Variants in IQCH observed in about 807,000 individuals in gnomAD.
IQCH encodes IQ motif containing H, also known as IQ domain-containing protein H.
A neutral mutation model predicts 117.0 loss-of-function variants in IQCH; 98 were observed. The observed-to-expected ratio is 0.84, with a 90% CI of 0.71 to 0.99. The LOEUF (loss-of-function observed/expected upper bound fraction) is 0.99. Ranked by LOEUF, IQCH falls within the 50% of genes least tolerant of loss-of-function variation. The pLI is 0.00. For missense variants in IQCH, 1,102 were observed against 1,243.8 expected (o/e 0.89, Z 1.72); for synonymous variants, 412 against 448.2 (o/e 0.92, Z 1.02).
intron 4 of IQCH, among the ~76,000 whole-genome samples, chr15:67,335,339 G>A (rs1055529657): frequency 1.3e-5 from 2 of 152,072 alleles, no homozygotes; most frequent in African/African-American, 2.4e-5. Flanking sequence ...GAGAAAATCC[G>A]GATAAATTAT....
Position 67,365,375 on chromosome 15 carries a change from G to A in IQCH, c.753+5490G>A, listed in dbSNP as rs1970296380. The stretch of plus-strand genomic sequence containing the variant: ...TGATCATAGAACAGCTTTGTGCTGT[G>A]AACCCAGTCCAACTGGCTATAAGCT... On this transcript the variant is annotated intron_variant, in intron 8 of 20. Coordinates refer to ENST00000335894, the MANE Select transcript of IQCH (RefSeq NM_001031715.3). The surrounding 1 kb of genome is among the most constrained non-coding windows in gnomAD (Gnocchi z 4.4). 1.3e-5 allele frequency among the ~76,000 whole-genome samples: 2 copies of A among 152,294 alleles called. No homozygotes were observed. Among genetic ancestry groups the A allele is most frequent in the Middle Eastern group, 3.4e-3 (1 of 294 alleles).
intron 4 of IQCH, among the ~76,000 whole-genome samples, chr15:67,319,862 A>T (rs888227335): frequency 1.3e-5 from 2 of 152,246 alleles, no homozygotes; most frequent in Non-Finnish European, 2.9e-5. Context: ...GTGAAAAAGG[A>T]TAAACTCTTA....
chr15:67,278,139 C>T (rs140760209), intron 3 of IQCH, among the ~76,000 whole-genome samples: 58 of 152,332 alleles, frequency 3.8e-4, no homozygotes, highest in African/African-American at 1.3e-3. Flanking sequence ...TGCCCTTCTC[C>T]AGCTCAGATA....
At chr15:67,492,518 G>A (rs989674459) in intron 19 of IQCH, among the ~76,000 whole-genome samples, 4 of 152,158 alleles carry the variant, frequency 2.6e-5, no homozygotes, top group African/African-American at 9.7e-5. Context: ...ATACCATCAG[G>A]AAAAGTTCCA....
At position 67,493,799 on chromosome 15, in the gene IQCH, T is replaced by C. The variant is rs982590210; in HGVS notation, c.2862-459T>C. Among the ~76,000 whole-genome samples, 83 of 152,160 alleles carry C rather than the reference T, an allele frequency of 5.5e-4. No individual in the cohort carries two copies. Among genetic ancestry groups the C allele is most frequent in the Non-Finnish European group, 2.9e-4 (20 of 68,026 alleles). On this transcript the variant is annotated intron_variant, in intron 19 of 20. Coordinates refer to ENST00000335894, the MANE Select transcript of IQCH (RefSeq NM_001031715.3). This position sits in a 1 kb window ranked among gnomAD's most constrained non-coding sequence, Gnocchi z 5.1. ...CATTAGGTATATCTCCTAATGCTAT[T>C]CCTCTCCCCTCCCCTCACCCCACGA...
chr15:67,305,150 C>CT (rs1967234517), intron 4 of IQCH, among the ~76,000 whole-genome samples: 1 of 152,064 alleles, frequency 6.6e-6, no homozygotes, highest in Non-Finnish European at 1.5e-5. Flanking sequence ...GGTAACATCT[C>CT]TATTTTTTTA....
intron 10 of IQCH, among the ~76,000 whole-genome samples, chr15:67,378,288 C>A (rs1970806750): frequency 6.6e-6 from 1 of 151,864 alleles, no homozygotes; most frequent in African/African-American, 2.4e-5. Flanking sequence ...ACCTGATACC[C>A]AGTTCAATGC....
rs1303529334 is a variant in IQCH at position 67,417,713 on chromosome 15, A to G, written c.2218+662A>G. Reference sequence around the variant, plus strand: ...GTGAATGATGCCTGTCTACCGTCTCAGAGGTCCCTGTCAGATGTTACACAG... The same window carrying G: ...GTGAATGATGCCTGTCTACCGTCTCGGAGGTCCCTGTCAGATGTTACACAG... On this transcript the variant is annotated intron_variant, in intron 15 of 20. Coordinates refer to ENST00000335894, the MANE Select transcript of IQCH (RefSeq NM_001031715.3). The surrounding 1 kb of genome is among the most constrained non-coding windows in gnomAD (Gnocchi z 4.3). 1.3e-5 allele frequency among the ~76,000 whole-genome samples: 2 copies of G among 152,120 alleles called. No individual in the cohort carries two copies. The highest frequency in any genetic ancestry group is 4.8e-5 in the African/African-American group (2 of 41,418).
intron 16 of IQCH, among the ~76,000 whole-genome samples, chr15:67,450,565 GA>G (rs2082498979): frequency 6.6e-6 from 1 of 152,162 alleles, no homozygotes; most frequent in African/African-American, 2.4e-5. Flanking sequence ...GCATCCCAGG[GA>G]TGAAGCCCAC....
rs752338841 is a variant in IQCH at position 67,447,085 on chromosome 15, C to T, written c.2506-18042C>T. 2.2e-4 allele frequency among the ~76,000 whole-genome samples: 33 copies of T among 152,210 alleles called. No individual in the cohort carries two copies. The highest frequency in any genetic ancestry group is 3.8e-4 in the Non-Finnish European group (26 of 68,040). ...GGTTAGGCAAACCTGGATCTTTGTC[C>T]TCGCCCTGCCGCTGAGCTGTGGAAC... On this transcript the variant is annotated intron_variant, in intron 16 of 20. Transcript: ENST00000335894. The surrounding 1 kb of genome is among the most constrained non-coding windows in gnomAD (Gnocchi z 5.3).
rs16950882 is a variant in IQCH, at chr15:67,387,351, A to G, written c.1457-1480A>G. On this transcript the variant is annotated intron_variant, in intron 11 of 20. Coordinates refer to ENST00000335894, the MANE Select transcript of IQCH (RefSeq NM_001031715.3). This position sits in a 1 kb window ranked among gnomAD's most constrained non-coding sequence, Gnocchi z 4.8. ...GTATGTATGCCCTGCGTCTAGGTGT[A>G]AAAGACCTTCCCAACTTTGCGAATC... is the stretch of plus-strand genomic sequence containing the variant. Among the ~76,000 whole-genome samples the G allele has an allele frequency of 3.1e-3, 469 of 152,250 alleles. 6 individuals carry two copies. The highest frequency in any genetic ancestry group is 0.011 in the African/African-American group (449 of 41,552).
In IQCH at chr15:67,463,564, G is replaced by A. The variant is rs1399020432; in HGVS notation, c.2506-1563G>A. On this transcript the variant is annotated intron_variant, in intron 16 of 20. Coordinates refer to ENST00000335894, the MANE Select transcript of IQCH (RefSeq NM_001031715.3). This position sits in a 1 kb window ranked among gnomAD's most constrained non-coding sequence, Gnocchi z 4.0. ...CCTCAGTTTCTTCATCTGTGACATGGGGTTGTTATTTTTTAGGCTACCACA... is the reference window on the plus strand; with the variant it reads ...CCTCAGTTTCTTCATCTGTGACATGAGGTTGTTATTTTTTAGGCTACCACA... Among the ~76,000 whole-genome samples, 1 of 152,122 alleles carries A rather than the reference G, an allele frequency of 6.6e-6. No individual in the cohort carries two copies. The highest frequency in any genetic ancestry group is 2.4e-5 in the African/African-American group (1 of 41,412).
intron 4 of IQCH, among the ~76,000 whole-genome samples, chr15:67,304,122 A>G (rs1003551495): frequency 1.3e-4 from 20 of 151,334 alleles, no homozygotes; most frequent in African/African-American, 4.6e-4. Context: ...TGTGGGAGCA[A>G]TGGGATACAC....
rs1283186187 is a variant in IQCH at position 67,389,018 on chromosome 15, T to G, written c.1632+12T>G. Reference sequence around the variant, plus strand: ...TAAACATCTTCCCTGTGAGTTTGTGTTCTAATTACTATGGTTTCAGGGATG... The same window carrying G: ...TAAACATCTTCCCTGTGAGTTTGTGGTCTAATTACTATGGTTTCAGGGATG... On this transcript the variant is annotated intron_variant, in intron 12 of 20. Coordinates refer to ENST00000335894, the MANE Select transcript of IQCH (RefSeq NM_001031715.3). The G allele has an allele frequency of 1.2e-6, 2 of 1,606,106 alleles. No homozygotes were observed. The highest frequency in any genetic ancestry group is 3.4e-5 in the Admixed American group (2 of 59,452).
chr15:67,395,166 C>A lies in IQCH; in HGVS notation c.1633-125C>A. On this transcript the variant is annotated intron_variant, in intron 12 of 20. Transcript: ENST00000335894. The surrounding 1 kb of genome is among the most constrained non-coding windows in gnomAD (Gnocchi z 4.0). Reference sequence around the variant, plus strand: ...GCTTTTATCAATTTAAACTGCTAAACAACAGGATAGGTCATAACCCAGCCT... The same window carrying A: ...GCTTTTATCAATTTAAACTGCTAAAAAACAGGATAGGTCATAACCCAGCCT... The A allele has an allele frequency of 1.9e-6, 2 of 1,054,044 alleles. No homozygotes were observed. The highest frequency in any genetic ancestry group is 2.7e-6 in the Non-Finnish European group (2 of 728,836). 65.3% of individuals were successfully genotyped at this position (1,054,044 alleles called of 1,614,324 possible). A position where few individuals can be genotyped will look rare whatever the true frequency, so the allele number is the denominator to read the frequency against.
At chr15:67,308,104 A>G (rs1047646641) in intron 4 of IQCH, among the ~76,000 whole-genome samples, 5 of 152,142 alleles carry the variant, frequency 3.3e-5, no homozygotes, top group Non-Finnish European at 5.9e-5. Context: ...TTGAATTCCA[A>G]TAAGATGGGC....
rs145072686 is a variant in IQCH at position 67,473,851 on chromosome 15, G to T, written c.2677-1845G>T. On this transcript the variant is annotated intron_variant, in intron 17 of 20. Coordinates refer to ENST00000335894, the MANE Select transcript of IQCH (RefSeq NM_001031715.3). The surrounding 1 kb of genome is among the most constrained non-coding windows in gnomAD (Gnocchi z 4.9). ...AAATCCCAATGGCTACAAATGGGAC[G>T]CTACAAGTGGGGTAAACAACTCAAG... 0.01 allele frequency among the ~76,000 whole-genome samples: 1,580 copies of T among 152,040 alleles called. 12 individuals are homozygous for T. Among genetic ancestry groups the T allele is most frequent in the Non-Finnish European group, 0.017 (1,171 of 68,010 alleles).
At position 67,395,480 on chromosome 15, in the gene IQCH, A is replaced by G; in HGVS notation, c.1822A>G (p.Thr608Ala). Residue 608 changes from threonine to alanine, a missense_variant, in exon 13 of 21, where the codon ACC becomes GCC. By Grantham distance (58) the Thr-to-Ala change is moderately conservative (BLOSUM62 0). This residue lies in a region of IQCH where 650 missense variants were observed against 794.3 expected (regional missense o/e 0.82). Coordinates refer to ENST00000335894, the MANE Select transcript of IQCH (RefSeq NM_001031715.3). This position sits in a 1 kb window ranked among gnomAD's most constrained non-coding sequence, Gnocchi z 4.0. The part of the protein sequence containing the change: ...SEPELAHLYS[T>A]KSGGKRVFDS... Reference sequence around the variant, plus strand: ...GCCTGAACTAGCTCATCTTTATAGTACCAAATCTGGAGGCAAACGTGTCTT... The same window carrying G: ...GCCTGAACTAGCTCATCTTTATAGTGCCAAATCTGGAGGCAAACGTGTCTT... The G allele has an allele frequency of 6.2e-7, 1 of 1,614,058 alleles. No individual in the cohort carries two copies. The highest frequency in any genetic ancestry group is 8.5e-7 in the Non-Finnish European group (1 of 1,179,994).
Position 67,360,870 on chromosome 15 carries a change from G to A in IQCH, c.753+985G>A, listed in dbSNP as rs573008125. ...AGATTGCTCCTTGGTAAACTAATCC[G>A]TGCAATTAGATCCTTCCTCTTACGT... On this transcript the variant is annotated intron_variant, in intron 8 of 20. Coordinates refer to ENST00000335894, the MANE Select transcript of IQCH (RefSeq NM_001031715.3). 6.6e-5 allele frequency among the ~76,000 whole-genome samples: 10 copies of A among 152,320 alleles called. No homozygotes were observed. The South Asian group carries it at 1.7e-3, about 25-fold the overall frequency.
Sources: gnomAD v4.1 joint callset for allele counts (sites outside exome capture counted in the v4.1 genomes callset) on GRCh38, gnomAD v4.1.1 for gene constraint, gnomAD v4.1.1 regional missense constraint, Gnocchi (gnomAD v3.1) non-coding constraint, MANE v1.5 for transcripts, NCBI Gene and HGNC (gene_info 2026-07-23, HGNC 2026-07-21) for gene names.